Variants in GRM8 observed in about 807,000 individuals in gnomAD.
GRM8 encodes the protein metabotropic glutamate receptor 8.
In GRM8, 47 loss-of-function variants were observed where a neutral mutation model predicts 87.2. That is an observed-to-expected ratio of 0.54 (90% confidence interval 0.43 to 0.69). GRM8 has a LOEUF of 0.69. GRM8 is among the 30% of genes least tolerant of loss of function. GRM8 has a pLI of 0.00. For missense variants in GRM8, 1,019 were observed against 1,139.2 expected, an observed-to-expected ratio of 0.89 and a Z score of 1.52; for synonymous variants, 396 against 404.5, an observed-to-expected ratio of 0.98 and a Z score of 0.25.
At chr7:126,829,457 T>C (rs1202509945) in intron 6 of GRM8, among the ~76,000 whole-genome samples, 1 of 138,212 alleles carries the variant, frequency 7.2e-6, no homozygotes, top group African/African-American at 2.8e-5. Context: ...CATTATGTAA[T>C]GGCCTTCTTT....
chr7:126,921,786 A>G (rs906671211), intron 3 of GRM8, among the ~76,000 whole-genome samples: 8 of 152,152 alleles, frequency 5.3e-5, no homozygotes, highest in African/African-American at 1.9e-4. Flanking sequence ...CAAAAAAATC[A>G]TTTACCTTCC....
chr7:126,695,061 G>A (rs1410794420), intron 7 of GRM8, among the ~76,000 whole-genome samples: 2 of 152,180 alleles, frequency 1.3e-5, no homozygotes, highest in African/African-American at 4.8e-5. Context: ...ATCTCAGTTT[G>A]TACTAGGATT....
At chr7:126,549,099 C>A (rs577917402) in intron 8 of GRM8, among the ~76,000 whole-genome samples, 1 of 152,066 alleles carries the variant, frequency 6.6e-6, no homozygotes, top group East Asian at 1.9e-4. Flanking sequence ...AAAGCTTCTT[C>A]CTCAAACCAC....
chr7:126,508,150 CTTTGTATATTATATT>C (rs1247535327), intron 9 of GRM8, among the ~76,000 whole-genome samples: 6 of 151,808 alleles, frequency 4.0e-5, no homozygotes, highest in Non-Finnish European at 7.4e-5. Flanking sequence ...ATTTTTATAC[CTTTGTATATTATATT>C]TTTGTATATT....
Position 126,769,948 on chromosome 7 carries a change from G to T in GRM8, c.1274C>A (p.Pro425His), listed in dbSNP as rs376815449. The change falls in exon 7 of 11, where the codon CCT becomes CAT. Residue 425 changes from proline to histidine, a missense_variant. By Grantham distance (77) the Pro-to-His change is moderately conservative. Transcript: ENST00000339582. ...TCGTGGACAAAGGCCAATGTATCCAGGGCAGAGATCTTTGTGCATATTGTG... is the reference window on the plus strand; with the variant it reads ...TCGTGGACAAAGGCCAATGTATCCATGGCAGAGATCTTTGTGCATATTGTG... The part of the protein sequence containing the change: ...ALHNMHKDLC[P>H]GYIGLCPRMS... 4 of 1,612,326 alleles carry T rather than the reference G, an allele frequency of 2.5e-6. No individual in the cohort carries two copies. The African/African-American group carries it at 5.3e-5, about 22-fold the overall frequency.
At chr7:127,001,052 A>G (rs1249271615) in intron 3 of GRM8, among the ~76,000 whole-genome samples, 2 of 151,676 alleles carry the variant, frequency 1.3e-5, no homozygotes, top group Non-Finnish European at 3.0e-5. Flanking sequence ...TCAAGACAGC[A>G]TAGTATTGGT....
At chr7:126,921,008 G>T (rs1464160335) in intron 3 of GRM8, among the ~76,000 whole-genome samples, 2 of 152,172 alleles carry the variant, frequency 1.3e-5, no homozygotes, top group East Asian at 1.9e-4. Flanking sequence ...CACCTCCAAG[G>T]CTCACAAACA....
At chr7:126,934,626 C>CA (rs1221593046) in intron 3 of GRM8, among the ~76,000 whole-genome samples, 1 of 152,134 alleles carries the variant, frequency 6.6e-6, no homozygotes, top group Non-Finnish European at 1.5e-5. Context: ...TCAAATGAGA[C>CA]ATGGGCAGAA....
At chr7:127,196,644 T>G (rs1795294376) in intron 2 of GRM8, among the ~76,000 whole-genome samples, 1 of 152,156 alleles carries the variant, frequency 6.6e-6, no homozygotes, top group Admixed American at 6.5e-5. Flanking sequence ...CTCATAATTA[T>G]CTCTAGTCTT....
chr7:127,180,707 T>TA (rs1794386028), intron 2 of GRM8, among the ~76,000 whole-genome samples: 1 of 151,648 alleles, frequency 6.6e-6, no homozygotes. Flanking sequence ...TGCAAGTCAA[T>TA]AAACACACCA....
chr7:126,542,676 C>A (rs929591110), intron 8 of GRM8, among the ~76,000 whole-genome samples: 1 of 152,136 alleles, frequency 6.6e-6, no homozygotes, highest in Admixed American at 6.5e-5. Flanking sequence ...TAACGAAGGG[C>A]TTTGTAAGCA....
chr7:126,844,158 G>T (rs1339356198), intron 6 of GRM8, among the ~76,000 whole-genome samples: 1 of 152,096 alleles, frequency 6.6e-6, no homozygotes, highest in Non-Finnish European at 1.5e-5. Flanking sequence ...TGAGTTCCTG[G>T]CATTAAGCAT....
chr7:127,207,314 G>A (rs199563300), intron 2 of GRM8, among the ~76,000 whole-genome samples: 8 of 151,936 alleles, frequency 5.3e-5, no homozygotes, highest in East Asian at 3.9e-4. Context: ...TATGTGTCTC[G>A]GTAATTCATC....
At chr7:126,719,643 C>T (rs1221715096) in intron 7 of GRM8, among the ~76,000 whole-genome samples, 1 of 152,128 alleles carries the variant, frequency 6.6e-6, no homozygotes, top group Non-Finnish European at 1.5e-5. Flanking sequence ...TTGGACAGCC[C>T]TGTGATAGCT....
At chr7:127,094,683 G>A (rs1316812925) in intron 3 of GRM8, among the ~76,000 whole-genome samples, 1 of 152,186 alleles carries the variant, frequency 6.6e-6, no homozygotes, top group African/African-American at 2.4e-5. Context: ...GGCCAATTCT[G>A]TTATTCAAGC....
intron 7 of GRM8, among the ~76,000 whole-genome samples, chr7:126,733,518 C>CA (rs1286672958): frequency 3.3e-5 from 5 of 149,818 alleles, no homozygotes; most frequent in Non-Finnish European, 7.4e-5. Context: ...AATATTAATG[C>CA]AAAAAGTTCT....
At chr7:127,179,546 C>T (rs1393093866) in intron 2 of GRM8, among the ~76,000 whole-genome samples, 3 of 152,072 alleles carry the variant, frequency 2.0e-5, no homozygotes, top group Non-Finnish European at 4.4e-5. Flanking sequence ...GCAAAATACA[C>T]GTTCTATTTA....
intron 3 of GRM8, among the ~76,000 whole-genome samples, chr7:127,041,416 G>T (rs915882742): frequency 6.6e-6 from 1 of 152,172 alleles, no homozygotes; most frequent in Non-Finnish European, 1.5e-5. Context: ...TGTCTTCCTT[G>T]TACTTATAAA....
At chr7:126,631,944 G>T (rs1801317237) in intron 7 of GRM8, among the ~76,000 whole-genome samples, 1 of 152,076 alleles carries the variant, frequency 6.6e-6, no homozygotes, top group Non-Finnish European at 1.5e-5. Context: ...GAAAATCTAG[G>T]CAATACCATT....
Sources: allele counts gnomAD v4.1 joint callset (sites outside exome capture counted in the v4.1 genomes callset), GRCh38; gene constraint gnomAD v4.1.1; transcripts MANE v1.5; gene names NCBI Gene and HGNC (gene_info 2026-07-23, HGNC 2026-07-21).